Variants in IARS1 observed in about 807,000 individuals in gnomAD.
The protein encoded by IARS1 is isoleucine--tRNA ligase, cytoplasmic.
IARS1 carries 124 observed loss-of-function variants against 168.2 expected under a neutral mutation model. The observed-to-expected ratio is 0.74, with a 90% CI of 0.64 to 0.86. The LOEUF (loss-of-function observed/expected upper bound fraction) is 0.86. IARS1 is among the 40% of genes least tolerant of loss of function. IARS1 has a pLI of 0.00. For synonymous variants in IARS1, 532 were observed against 529.4 expected (o/e 1.00, Z -0.07); for missense variants, 1,452 against 1,515.8 (o/e 0.96, Z 0.70).
chr9:92,288,019 T>A, intron 3 of IARS1, 107 bp downstream of exon 3: 3 of 1,425,864 alleles, frequency 2.1e-6, no homozygotes, highest in East Asian at 2.3e-5. Context: ...AGAAATGAAC[T>A]AGAAGGTCTG....
chr9:92,223,533 T>C (rs770333316), intron 31 of IARS1, 44 bp from the exon 32 acceptor site: 2 of 1,540,156 alleles, frequency 1.3e-6, no homozygotes, highest in Non-Finnish European at 1.8e-6. Context: ...ACGAACAAAT[T>C]CAAAACTGAA....
chr9:92,260,128 C>T (rs180813857), intron 18 of IARS1, 23 bp downstream of exon 18: 16 of 1,510,770 alleles, frequency 1.1e-5, no homozygotes, highest in East Asian at 9.0e-5. Context: ...TAGATACACA[C>T]AAGGCAAAGC....
chr9:92,242,878 T>G, intron 28 of IARS1: 1 of 255,652 alleles, frequency 3.9e-6, no homozygotes, highest in South Asian at 5.0e-5. Context: ...GCTAGAAGCC[T>G]GTCTATGCTG....
chr9:92,216,981 C>T (rs1838813444), intron 33 of IARS1, among the ~76,000 whole-genome samples: 1 of 150,912 alleles, frequency 6.6e-6, no homozygotes, highest in African/African-American at 2.4e-5. Flanking sequence ...TTTTTTTCAG[C>T]ACCACACCAC....
intron 16 of IARS1, among the ~76,000 whole-genome samples, chr9:92,264,336 CAAA>C (rs528571634): frequency 3.0e-5 from 3 of 99,012 alleles, no homozygotes; most frequent in Non-Finnish European, 4.2e-5. Context: ...GATTCTGTCT[CAAA>C]AAAAAAAAAA....
chr9:92,273,955 A>C (rs1313216895), intron 10 of IARS1, among the ~76,000 whole-genome samples: 3 of 152,236 alleles, frequency 2.0e-5, no homozygotes, highest in Non-Finnish European at 4.4e-5. Flanking sequence ...GAGGTGGTTT[A>C]CTGTAAAGCA....
chr9:92,259,117 T>C (rs72750441), intron 18 of IARS1, 119 bp from the exon 19 acceptor site: 33,819 of 842,108 alleles, frequency 0.04, 845 homozygotes, highest in South Asian at 0.073. Context: ...AAGGGGGTAA[T>C]TATGAATACT....
chr9:92,249,706 T>C, intron 25 of IARS1, 152 bp downstream of exon 25: 1 of 456,806 alleles, frequency 2.2e-6, no homozygotes, highest in Non-Finnish European at 3.8e-6. Flanking sequence ...TTTATGTTGA[T>C]TCCAAGCACA....
intron 10 of IARS1, among the ~76,000 whole-genome samples, chr9:92,272,979 A>G (rs1369194151): frequency 6.6e-6 from 1 of 151,866 alleles, no homozygotes; most frequent in Non-Finnish European, 1.5e-5. Flanking sequence ...ATGAGATATA[A>G]CTCTAGAGTT....
Position 92,281,153 on chromosome 9 carries a change from T to A in IARS1, c.598-260A>T, listed in dbSNP as rs1482850876. Among the ~76,000 whole-genome samples the A allele has an allele frequency of 2.0e-5, 3 of 149,084 alleles. No individual in the cohort carries two copies. In the East Asian group the frequency reaches 5.9e-4, roughly 29 times the overall value. On this transcript the variant is annotated intron_variant, in intron 6 of 33. Transcript: ENST00000443024. ...CTGGTGACTTTTTTTTTTTTTTTTT[T>A]AGATGGAGTCTCACTGTGTCACTAG...
Position 92,245,006 on chromosome 9 carries a change from G to T in IARS1, c.2857C>A (p.Gln953Lys). Reference sequence around the variant, plus strand: ...AATTGCGCAGTCCCACCTGTGGCCTGATCAAAGGTGTACATGAGGCGGATG... The same window carrying T: ...AATTGCGCAGTCCCACCTGTGGCCTTATCAAAGGTGTACATGAGGCGGATG... ...EDIRLMYTFD[Q>K]ATGGTAQFEA... Residue 953 changes from glutamine to lysine, a missense_variant, in exon 27 of 34, where the codon CAG becomes AAG. Physicochemically the swap from Gln to Lys is moderately conservative, Grantham distance 53. Coordinates refer to ENST00000443024, the MANE Select transcript of IARS1 (RefSeq NM_002161.6). 1.2e-6 allele frequency: 2 copies of T among 1,614,170 alleles called. No homozygotes were observed. Among genetic ancestry groups the T allele is most frequent in the South Asian group, 1.1e-5 (1 of 91,076 alleles).
At chr9:92,274,354 C>T (rs1833499203) in intron 10 of IARS1, 72 bp downstream of exon 10, 2 of 1,151,446 alleles carry the variant, frequency 1.7e-6, no homozygotes, top group Non-Finnish European at 2.6e-6. Context: ...CATGATGAGA[C>T]ACAGGACTCC....
chr9:92,219,095 C>T (rs1404034230), intron 33 of IARS1, among the ~76,000 whole-genome samples: 3 of 152,226 alleles, frequency 2.0e-5, no homozygotes, highest in South Asian at 4.1e-4. Context: ...TGGAACAGAA[C>T]AGAGCCCCTC....
chr9:92,278,148 A>C (rs1213523933), intron 8 of IARS1, 51 bp downstream of exon 8: 1 of 1,166,776 alleles, frequency 8.6e-7, no homozygotes. Context: ...AACTAAAGAC[A>C]CACATACAGA....
intron 9 of IARS1, among the ~76,000 whole-genome samples, chr9:92,276,933 T>C (rs1274176328): frequency 2.0e-5 from 3 of 152,228 alleles, no homozygotes; most frequent in Admixed American, 2.0e-4. Flanking sequence ...AGGTGCTAAA[T>C]GTATGAGCTC....
rs764689347 is a variant in IARS1, at chr9:92,280,902, A to C, written c.598-9T>G. The C allele has an allele frequency of 2.5e-6, 4 of 1,596,746 alleles. No homozygotes were observed. The Admixed American group carries it at 6.7e-5, about 27-fold the overall frequency. On this transcript the variant is annotated splice_polypyrimidine_tract_variant and intron_variant, in intron 6 of 33. Transcript: ENST00000443024. ...GAAGGATCTTGAACATCCTGAAATA[A>C]ATTGAGGTAAAGTATTGTTTTAGAA...
chr9:92,265,112 A>C lies in IARS1; in HGVS notation c.1517T>G (p.Leu506Arg). ...CTTCCCACAGCGTGAAGGAATGGTC[A>C]GGTGGTCAACACTAACAAACAGAAA... ...SDLHRESVDH[L>R]TIPSRCGKGS... Residue 506 changes from leucine (L) to arginine (R), a missense_variant, in exon 16 of 34, where the codon CTG becomes CGG. Coordinates refer to ENST00000443024, the MANE Select transcript of IARS1 (RefSeq NM_002161.6). 2.5e-6 allele frequency: 4 copies of C among 1,612,958 alleles called. No homozygotes were observed. The highest frequency in any genetic ancestry group is 3.4e-6 in the Non-Finnish European group (4 of 1,179,558).
At chr9:92,234,902 G>A (rs1827255378) in intron 30 of IARS1, among the ~76,000 whole-genome samples, 1 of 150,454 alleles carries the variant, frequency 6.6e-6, no homozygotes, top group Non-Finnish European at 1.5e-5. Context: ...ACAGTACAAT[G>A]GCGCGATCTC....
chr9:92,263,433 G>T (rs750541237), intron 16 of IARS1, among the ~76,000 whole-genome samples: 27 of 152,186 alleles, frequency 1.8e-4, no homozygotes, highest in Non-Finnish European at 3.5e-4. Flanking sequence ...GATGACAAAA[G>T]ATGCAAAATG....
Sources: gnomAD v4.1 joint callset for allele counts (sites outside exome capture counted in the v4.1 genomes callset) on GRCh38, gnomAD v4.1.1 for gene constraint, MANE v1.5 for transcripts, NCBI Gene and HGNC (gene_info 2026-07-23, HGNC 2026-07-21) for gene names.